GSTO2: variants seen among roughly 807,000 people sequenced by gnomAD.
GSTO2 encodes the protein glutathione S-transferase omega-2.
Under a neutral mutation model 28.4 loss-of-function variants are expected in GSTO2, and 23 were observed. The observed-to-expected ratio is 0.81, with a 90% CI of 0.58 to 1.15. The LOEUF (loss-of-function observed/expected upper bound fraction) is 1.15, where lower values mean the gene tolerates loss of function less well. Ranked by LOEUF, GSTO2 falls within the 50% of genes most tolerant of loss-of-function variation. GSTO2 has a pLI of 0.00. For missense variants in GSTO2, 298 were observed against 297.8 expected, an observed-to-expected ratio of 1.00 and a Z score of 0.00; for synonymous variants, 109 against 111.0, an observed-to-expected ratio of 0.98 and a Z score of 0.11.
chr10:104,274,620 A>G, intron 1 of GSTO2, 65 bp from the exon 2 acceptor site: 1 of 514,356 alleles, frequency 1.9e-6, no homozygotes, highest in Non-Finnish European at 3.4e-6. Flanking sequence ...CAAAGCTTTA[A>G]GCACATGTCC....
At position 104,302,490 on chromosome 10, in the gene GSTO2, G is replaced by T. The variant is rs983518445; in HGVS notation, c.*3206G>T. ...TCCAGTTACAATCTAACATGGCTAG[G>T]GGGAGGAGGGAGCATGATGGGGCAG... On this transcript the variant is annotated 3_prime_UTR_variant, in exon 7 of 7. Transcript: ENST00000338595. The T allele has an allele frequency of 6.6e-6, 1 of 152,436 alleles. No homozygotes were observed. Among genetic ancestry groups the T allele is most frequent in the Non-Finnish European group, 1.5e-5 (1 of 68,066 alleles). 9.4% of individuals were successfully genotyped at this position (152,436 alleles called of 1,614,324 possible).
At chr10:104,279,515 G>A in intron 5 of GSTO2, 44 bp downstream of exon 5, 1 of 1,389,908 alleles carries the variant, frequency 7.2e-7, no homozygotes, top group East Asian at 2.3e-5. Flanking sequence ...AGTGGAGGAA[G>A]CTAGGCAGGG....
Position 104,297,560 on chromosome 10 carries a change from C to T in GSTO2, c.469-18C>T. On this transcript the variant is annotated intron_variant, in intron 5 of 6. Transcript: ENST00000338595. ...AGATATATAAACTTATTTGCTTTTGCTTTGTTTCCATTTTTAGATTCTTGA... is the reference window on the plus strand; with the variant it reads ...AGATATATAAACTTATTTGCTTTTGTTTTGTTTCCATTTTTAGATTCTTGA... The T allele has an allele frequency of 3.3e-6, 5 of 1,533,596 alleles. No individual in the cohort carries two copies. The highest frequency in any genetic ancestry group is 4.5e-6 in the Non-Finnish European group (5 of 1,108,282). The allele number at this position is 1,533,596 out of a possible 1,614,324, so 95.0% of individuals were successfully genotyped here.
chr10:104,277,939 C>T lies in GSTO2; in HGVS notation c.189C>T (p.Tyr63=). 6.2e-7 allele frequency: 1 copy of T among 1,614,028 alleles called. No homozygotes were observed. Among genetic ancestry groups the T allele is most frequent in the Admixed American group, 1.7e-5 (1 of 60,012 alleles). The part of the protein sequence containing the change: ...NINLRNKPEW[Y]YTKHPFGHIP... ...ACCTGAGAAACAAGCCTGAATGGTA[C>T]TATACAAAGCACCCTTTTGGCCACA... is the stretch of plus-strand genomic sequence containing the variant. The change falls in exon 4 of 7, where the codon TAC becomes TAT. Residue 63 remains tyrosine (Y), a synonymous_variant. Transcript: ENST00000338595.
At position 104,277,970 on chromosome 10, in the gene GSTO2, G is replaced by T. The variant is rs760917764; in HGVS notation, c.220G>T (p.Val74Phe). The T allele has an allele frequency of 6.2e-7, 1 of 1,614,034 alleles. No individual in the cohort carries two copies. Among genetic ancestry groups the T allele is most frequent in the Non-Finnish European group, 8.5e-7 (1 of 1,179,966 alleles). ...AAAGCACCCTTTTGGCCACATTCCT[G>T]TCCTGGAGACCAGCCAATGTCAACT... ...YTKHPFGHIP[V>F]LETSQCQLIY... Residue 74 changes from valine to phenylalanine, a missense_variant, in exon 4 of 7, where the codon GTC becomes TTC. Physicochemically the swap from Val to Phe is conservative, Grantham distance 50. Transcript: ENST00000338595.
At chr10:104,273,434 C>T (rs150410418) in intron 1 of GSTO2, among the ~76,000 whole-genome samples, 1 of 152,220 alleles carries the variant, frequency 6.6e-6, no homozygotes, top group African/African-American at 2.4e-5. Flanking sequence ...TGAATGACAG[C>T]AAAAAATGTA....
intron 5 of GSTO2, among the ~76,000 whole-genome samples, chr10:104,289,844 T>C (rs571070795): frequency 3.9e-5 from 6 of 152,320 alleles, no homozygotes; most frequent in African/African-American, 7.2e-5. Flanking sequence ...CTCAGCATCA[T>C]TGATCATCAG....
intron 5 of GSTO2, among the ~76,000 whole-genome samples, chr10:104,286,813 AT>A (rs1202291245): frequency 2.6e-5 from 4 of 152,066 alleles, no homozygotes; most frequent in African/African-American, 4.8e-5. Context: ...AATTATTCTT[AT>A]TATTTAAAAA....
At position 104,269,241 on chromosome 10, in the gene GSTO2, C is replaced by T. The variant is rs1380893807; in HGVS notation, c.-260C>T. The T allele has an allele frequency of 6.6e-6, 1 of 152,502 alleles. No individual in the cohort carries two copies. The highest frequency in any genetic ancestry group is 1.9e-4 in the East Asian group (1 of 5,188). 9.4% of individuals were successfully genotyped at this position (152,502 alleles called of 1,614,324 possible). On this transcript the variant is annotated 5_prime_UTR_variant, in exon 1 of 7. Coordinates refer to ENST00000338595, the MANE Select transcript of GSTO2 (RefSeq NM_183239.2). The stretch of plus-strand genomic sequence containing the variant: ...TCCGGTTGCCCGAGTTCCCGGAGGT[C>T]TCTCGCGGGACCTCTCTCACCGCCA...
rs1221346107 is a variant in GSTO2 at position 104,303,282 on chromosome 10, TA to T, written c.*3999del. On this transcript the variant is annotated 3_prime_UTR_variant, in exon 7 of 7. Coordinates refer to ENST00000338595, the MANE Select transcript of GSTO2 (RefSeq NM_183239.2). Reference sequence around the variant, plus strand: ...TGTATGGTTGTGACCAAAATGCCAGTAGTGATATGGACAGTGAAGGCCAGGC... The same window carrying T: ...TGTATGGTTGTGACCAAAATGCCAGTGTGATATGGACAGTGAAGGCCAGGC... The T allele has an allele frequency of 6.6e-6, 1 of 152,168 alleles. No homozygotes were observed. The highest frequency in any genetic ancestry group is 1.5e-5 in the Non-Finnish European group (1 of 68,026). The allele number at this position is 152,168 out of a possible 1,614,324, so 9.4% of individuals were successfully genotyped here.
intron 5 of GSTO2, among the ~76,000 whole-genome samples, chr10:104,293,011 A>C (rs2012849414): frequency 6.6e-6 from 1 of 152,242 alleles, no homozygotes; most frequent in South Asian, 2.1e-4. Flanking sequence ...AATTGAGTAC[A>C]AGAAAGAACT....
intron 2 of GSTO2, 27 bp downstream of exon 2, chr10:104,274,976 G>T (rs368596856): frequency 6.4e-7 from 1 of 1,566,022 alleles, no homozygotes; most frequent in East Asian, 2.3e-5. Context: ...GGGTCCGCGA[G>T]CTGGGGGCGC....
At chr10:104,279,611 A>G (rs1204562988) in intron 5 of GSTO2, 140 bp downstream of exon 5, 6 of 618,366 alleles carry the variant, frequency 9.7e-6, no homozygotes, top group Non-Finnish European at 1.7e-5. Flanking sequence ...ATCTGATTGC[A>G]TGTTTGCCCT....
chr10:104,271,833 C>A (rs2011422660), intron 1 of GSTO2, among the ~76,000 whole-genome samples: 1 of 152,166 alleles, frequency 6.6e-6, no homozygotes, highest in Non-Finnish European at 1.5e-5. Context: ...GATCCAGGAA[C>A]CTTTTAATTT....
At chr10:104,286,123 A>T (rs150997011) in intron 5 of GSTO2, 53 of 170,250 alleles carry the variant, frequency 3.1e-4, no homozygotes, top group African/African-American at 1.1e-3. Context: ...CACAAAATTC[A>T]CCCTTTTCCA....
intron 5 of GSTO2, among the ~76,000 whole-genome samples, chr10:104,291,030 C>T (rs1450188298): frequency 1.3e-5 from 2 of 152,036 alleles, no homozygotes; most frequent in Non-Finnish European, 2.9e-5. Context: ...TATGTGCCCA[C>T]GAAAAATAAA....
At chr10:104,295,768 A>T (rs1258762740) in intron 5 of GSTO2, 8 of 152,262 alleles carry the variant, frequency 5.3e-5, no homozygotes, top group Middle Eastern at 3.1e-3. Flanking sequence ...CCCACAGCAG[A>T]GTCAACAAGC....
At position 104,277,969 on chromosome 10, in the gene GSTO2, T is replaced by A. The variant is rs199898162; in HGVS notation, c.219T>A (p.Pro73=). The A allele has an allele frequency of 1.9e-6, 3 of 1,614,114 alleles. No homozygotes were observed. The highest frequency in any genetic ancestry group is 2.5e-6 in the Non-Finnish European group (3 of 1,179,954). ...CAAAGCACCCTTTTGGCCACATTCC[T>A]GTCCTGGAGACCAGCCAATGTCAAC... ...YYTKHPFGHI[P]VLETSQCQLI... Residue 73 remains proline, a synonymous_variant, in exon 4 of 7, where the codon CCT becomes CCA. Coordinates refer to ENST00000338595, the MANE Select transcript of GSTO2 (RefSeq NM_183239.2).
At chr10:104,298,683 A>G (rs1266838127) in intron 6 of GSTO2, among the ~76,000 whole-genome samples, 1 of 152,170 alleles carries the variant, frequency 6.6e-6, no homozygotes, top group Admixed American at 6.5e-5. Flanking sequence ...TGTTTTATTC[A>G]TTTAAAAAAT....
Sources: gnomAD v4.1 joint callset for allele counts (sites outside exome capture counted in the v4.1 genomes callset) on GRCh38, gnomAD v4.1.1 for gene constraint, MANE v1.5 for transcripts, NCBI Gene and HGNC (gene_info 2026-07-23, HGNC 2026-07-21) for gene names.